DHX40: variants seen among roughly 807,000 people sequenced by gnomAD.
DHX40 encodes DEAH-box helicase 40.
DHX40 carries 28 observed loss-of-function variants against 89.6 expected under a neutral mutation model. The ratio of observed to expected loss-of-function variants is 0.31; its 90% CI spans 0.23 to 0.43. The LOEUF (loss-of-function observed/expected upper bound fraction) is 0.43. Among genes scored for constraint, DHX40 ranks in the 20% least tolerant of loss-of-function variants. DHX40 has a pLI of 1.00. For synonymous variants in DHX40, 226 were observed against 283.6 expected (o/e 0.80, Z 2.04); for missense variants, 457 against 844.0 (o/e 0.54, Z 5.68).
chr17:59,570,803 C>A (rs1004906423), intron 3 of DHX40, 140 bp downstream of exon 3: 25 of 766,916 alleles, frequency 3.3e-5, no homozygotes, highest in Non-Finnish European at 4.6e-5. Context: ...CTACCTCAGC[C>A]CCTTGGGTAG....
rs367922391 is a variant in DHX40, at chr17:59,597,707, C to T, written c.1583-1030C>T. Among the ~76,000 whole-genome samples, 387 of 150,428 alleles carry T rather than the reference C, an allele frequency of 2.6e-3. 21 individuals are homozygous for T. The East Asian group carries it at 0.063, about 24-fold the overall frequency. ...ATCCCAGCACTTTGGGAGGCCGAGA[C>T]GGGCAGATCACAAGGTCAGGAGATC... is the stretch of plus-strand genomic sequence containing the variant. On this transcript the variant is annotated intron_variant, in intron 12 of 17. Coordinates refer to ENST00000251241, the MANE Select transcript of DHX40 (RefSeq NM_024612.5).
At chr17:59,577,858 T>C (rs2048906851) in intron 8 of DHX40, among the ~76,000 whole-genome samples, 1 of 152,106 alleles carries the variant, frequency 6.6e-6, no homozygotes, top group South Asian at 2.1e-4. Flanking sequence ...CCTATTTTTC[T>C]GTACTCCCAT....
chr17:59,592,315 C>T (rs1204938417), intron 12 of DHX40, among the ~76,000 whole-genome samples: 3 of 151,774 alleles, frequency 2.0e-5, no homozygotes, highest in Non-Finnish European at 2.9e-5. Flanking sequence ...TATATAACTA[C>T]AGTTTGATAT....
chr17:59,594,158 G>A (rs1199786981), intron 12 of DHX40, among the ~76,000 whole-genome samples: 3 of 151,444 alleles, frequency 2.0e-5, no homozygotes, highest in Non-Finnish European at 4.4e-5. Context: ...GGAAGACTAT[G>A]CTCTTAGCAG....
chr17:59,570,289 ATATT>A (rs897358279), intron 2 of DHX40, among the ~76,000 whole-genome samples: 30 of 135,050 alleles, frequency 2.2e-4, no homozygotes, highest in Non-Finnish European at 3.5e-4. Flanking sequence ...TATATTATAT[ATATT>A]TATATATTAT....
chr17:59,565,647 C>G lies in DHX40; in HGVS notation c.-25C>G. ...CCATCTCCTCAGATCGGTGGACGTG[C>G]TCGCCTCCACTCGGGGCCAGGTCTA... On this transcript the variant is annotated 5_prime_UTR_variant, in exon 1 of 18. Transcript: ENST00000251241. 2 of 1,587,190 alleles carry G rather than the reference C, an allele frequency of 1.3e-6. No individual in the cohort carries two copies. Among genetic ancestry groups the G allele is most frequent in the Non-Finnish European group, 1.7e-6 (2 of 1,171,512 alleles).
chr17:59,582,391 A>C lies in DHX40; in HGVS notation c.1343+2512A>C, dbSNP rs144008114. Among the ~76,000 whole-genome samples, 567 of 124,362 alleles carry C rather than the reference A, an allele frequency of 4.6e-3. 189 individuals are homozygous for C. Among genetic ancestry groups the C allele is most frequent in the African/African-American group, 0.02 (553 of 27,028 alleles). The allele number at this position is 124,362 out of a possible 152,430, so 81.6% of individuals were successfully genotyped here. A position where few individuals can be genotyped will look rare whatever the true frequency, so the allele number is the denominator to read the frequency against. ...GGTATAGGATTCATAGACGACAGAAAGAAAATGGATCTTCTCAATTATTAT... is the reference window on the plus strand; with the variant it reads ...GGTATAGGATTCATAGACGACAGAACGAAAATGGATCTTCTCAATTATTAT... On this transcript the variant is annotated intron_variant, in intron 10 of 17. Transcript: ENST00000251241.
At chr17:59,570,977 T>C (rs2048799153) in intron 3 of DHX40, among the ~76,000 whole-genome samples, 1 of 152,240 alleles carries the variant, frequency 6.6e-6, no homozygotes, top group African/African-American at 2.4e-5. Context: ...GTGTCTGATG[T>C]TCATCCCATT....
At chr17:59,592,276 G>A (rs1248504634) in intron 12 of DHX40, among the ~76,000 whole-genome samples, 1 of 151,996 alleles carries the variant, frequency 6.6e-6, no homozygotes, top group Non-Finnish European at 1.5e-5. Context: ...TTGAGAATTG[G>A]TAAGTTACAG....
chr17:59,589,895 A>G (rs577863880), intron 12 of DHX40, among the ~76,000 whole-genome samples: 2 of 149,460 alleles, frequency 1.3e-5, no homozygotes, highest in Non-Finnish European at 3.0e-5. Context: ...TAATTTTTGT[A>G]TTTTTAGTAG....
At chr17:59,569,181 A>T (rs1232277620) in intron 2 of DHX40, among the ~76,000 whole-genome samples, 1 of 152,084 alleles carries the variant, frequency 6.6e-6, no homozygotes, top group East Asian at 1.9e-4. Context: ...ATACAAAATT[A>T]GCTGGGTGTG....
At position 59,580,722 on chromosome 17, in the gene DHX40, A is replaced by G. The variant is rs543174189; in HGVS notation, c.1343+843A>G. 1.9e-4 allele frequency among the ~76,000 whole-genome samples: 29 copies of G among 150,652 alleles called. 1 individual carries two copies. Among genetic ancestry groups the G allele is most frequent in the East Asian group, 1.6e-3 (8 of 5,142 alleles). On this transcript the variant is annotated intron_variant, in intron 10 of 17. Transcript: ENST00000251241. ...GGAAGATTGCTGGAGCCGGGCAGGT[A>G]GAGGCTGCAGTGAGCCATGATTGCA...
At chr17:59,573,531 G>A (rs959513910) in intron 4 of DHX40, among the ~76,000 whole-genome samples, 3 of 152,066 alleles carry the variant, frequency 2.0e-5, no homozygotes, top group African/African-American at 4.8e-5. Context: ...ACAGTGTCTC[G>A]TTTTGTTTCC....
At chr17:59,566,120 G>A (rs961799594) in intron 1 of DHX40, among the ~76,000 whole-genome samples, 1 of 152,134 alleles carries the variant, frequency 6.6e-6, no homozygotes, top group African/African-American at 2.4e-5. Flanking sequence ...CTGCCTTTGG[G>A]TACAGTATGA....
chr17:59,601,837 C>T (rs2030545514), intron 14 of DHX40, among the ~76,000 whole-genome samples: 2 of 152,154 alleles, frequency 1.3e-5, no homozygotes, highest in African/African-American at 4.8e-5. Flanking sequence ...GGGATCAGAG[C>T]AGTGCTCAGT....
At position 59,570,616 on chromosome 17, in the gene DHX40, G is replaced by A. The variant is rs757026229; in HGVS notation, c.379G>A (p.Gly127Arg). Residue 127 changes from glycine to arginine, a missense_variant, in exon 3 of 18, where the codon GGA (glycine) becomes AGA (arginine). This residue lies in a region of DHX40 where 61 missense variants were observed against 100.4 expected (regional missense o/e 0.61). Coordinates refer to ENST00000251241, the MANE Select transcript of DHX40 (RefSeq NM_024612.5). ...AGCTGAAGAAATGAAATGCACTTTG[G>A]GATCCAAAGTAGGATACCAAGTTCG... Reference protein sequence around the residue: ...RVAEEMKCTLGSKVGYQVRFD... With the variant: ...RVAEEMKCTLRSKVGYQVRFD... 1 of 1,608,924 alleles carries A rather than the reference G, an allele frequency of 6.2e-7. No homozygotes were observed. Among genetic ancestry groups the A allele is most frequent in the Non-Finnish European group, 8.5e-7 (1 of 1,177,682 alleles).
intron 11 of DHX40, among the ~76,000 whole-genome samples, chr17:59,587,551 G>A (rs897006162): frequency 1.3e-5 from 2 of 149,742 alleles, no homozygotes; most frequent in South Asian, 2.1e-4. Flanking sequence ...TTTGCCTCCC[G>A]GGTTTGAGTG....
At chr17:59,577,919 C>T (rs1207650082) in intron 8 of DHX40, among the ~76,000 whole-genome samples, 1 of 152,190 alleles carries the variant, frequency 6.6e-6, no homozygotes, top group Admixed American at 6.5e-5. Flanking sequence ...CTTGCAGCCT[C>T]ACTCGGTAGA....
intron 11 of DHX40, among the ~76,000 whole-genome samples, chr17:59,587,263 G>A (rs796945908): frequency 6.7e-6 from 1 of 150,108 alleles, no homozygotes; most frequent in African/African-American, 2.5e-5. Flanking sequence ...TACTCTTGTT[G>A]CCCAGACTGG....
Sources: gnomAD v4.1 joint callset for allele counts (sites outside exome capture counted in the v4.1 genomes callset) on GRCh38, gnomAD v4.1.1 for gene constraint, gnomAD v4.1.1 regional missense constraint, MANE v1.5 for transcripts, NCBI Gene and HGNC (gene_info 2026-07-23, HGNC 2026-07-21) for gene names.